The following KLF12 variants were observed in gnomAD, a reference collection of about 807,000 sequenced individuals.
KLF12 encodes the protein KLF transcription factor 12.
A neutral mutation model predicts 37.8 loss-of-function variants in KLF12; 9 were observed. The observed-to-expected ratio is 0.24, with a 90% CI of 0.14 to 0.42. The LOEUF (loss-of-function observed/expected upper bound fraction) is 0.42. Among genes scored for constraint, KLF12 ranks in the 10% least tolerant of loss-of-function variants. The probability of loss-of-function intolerance (pLI) is 1.00; values close to 1 mark genes in which losing one functional copy is unlikely to be tolerated. For synonymous variants in KLF12, 208 were observed against 202.1 expected, an observed-to-expected ratio of 1.03 and a Z score of -0.25; for missense variants, 411 against 516.0, an observed-to-expected ratio of 0.80 and a Z score of 1.97.
At chr13:74,007,059 C>A (rs963673283) in intron 1 of KLF12, among the ~76,000 whole-genome samples, 4 of 152,132 alleles carry the variant, frequency 2.6e-5, no homozygotes. Flanking sequence ...GGGGTTCCAT[C>A]TCTGCCTGCA....
intron 3 of KLF12, among the ~76,000 whole-genome samples, chr13:73,921,811 A>G (rs926666151): frequency 1.3e-5 from 2 of 152,160 alleles, no homozygotes; most frequent in Non-Finnish European, 2.9e-5. Flanking sequence ...TTTTGCAGTT[A>G]TCTGCAGCTA....
Position 74,053,652 on chromosome 13 carries a change from G to A in KLF12, c.-31-58599C>T, listed in dbSNP as rs1010426315. Among the ~76,000 whole-genome samples the A allele has an allele frequency of 1.3e-5, 2 of 152,166 alleles. 1 individual carries two copies. The highest frequency in any genetic ancestry group is 2.9e-5 in the Non-Finnish European group (2 of 68,030). ...ATAGCCAGAATAATGCTTTGCAAAGGTGGAGGTTACATGCCTGGAAAATTG... is the reference window on the plus strand; with the variant it reads ...ATAGCCAGAATAATGCTTTGCAAAGATGGAGGTTACATGCCTGGAAAATTG... On this transcript the variant is annotated intron_variant, in intron 1 of 7. Transcript: ENST00000377669.
chr13:73,744,689 A>C (rs1878243512), intron 6 of KLF12, among the ~76,000 whole-genome samples: 1 of 152,196 alleles, frequency 6.6e-6, no homozygotes, highest in African/African-American at 2.4e-5. Context: ...GGAGCAACGC[A>C]GGGAAGGAAA....
chr13:73,801,049 T>C (rs558925713), intron 5 of KLF12: 1 of 152,238 alleles, frequency 6.6e-6, no homozygotes, highest in South Asian at 2.1e-4. Flanking sequence ...GATGGCAAAA[T>C]ATCATTGAAG....
intron 1 of KLF12, among the ~76,000 whole-genome samples, chr13:74,080,286 T>TG (rs1304813347): frequency 1.5e-5 from 1 of 66,858 alleles, no homozygotes; most frequent in Non-Finnish European, 3.8e-5. Context: ...AAAAAAGTTG[T>TG]TTTTTTTTTA....
At chr13:73,936,731 T>A (rs1889949987) in intron 3 of KLF12, among the ~76,000 whole-genome samples, 1 of 152,170 alleles carries the variant, frequency 6.6e-6, no homozygotes, top group Non-Finnish European at 1.5e-5. Context: ...GAGGCCACTG[T>A]AGAGTTCATC....
At chr13:73,815,722 A>G (rs531956597) in intron 4 of KLF12, among the ~76,000 whole-genome samples, 3 of 152,322 alleles carry the variant, frequency 2.0e-5, no homozygotes, top group South Asian at 4.1e-4. Flanking sequence ...ATTTGCAAAC[A>G]GCCAAGAAAA....
intron 1 of KLF12, among the ~76,000 whole-genome samples, chr13:73,995,975 T>C (rs886901339): frequency 6.6e-6 from 1 of 152,224 alleles, no homozygotes; most frequent in Non-Finnish European, 1.5e-5. Context: ...GCGCCCATTC[T>C]GTGCCAATGT....
In KLF12 at chr13:73,794,252, G is replaced by C. The variant is rs571783278; in HGVS notation, c.806+18900C>G. On this transcript the variant is annotated intron_variant, in intron 5 of 7. Coordinates refer to ENST00000377669, the MANE Select transcript of KLF12 (RefSeq NM_007249.5). ...GAGGCAGGCGGATCATCTGAGGTCG[G>C]GAGTTCGAGACCAGCCTGGCCAACA... is the stretch of plus-strand genomic sequence containing the variant. Among the ~76,000 whole-genome samples the C allele has an allele frequency of 7.9e-4, 121 of 152,226 alleles. 1 individual carries two copies. The highest frequency in any genetic ancestry group is 1.6e-3 in the Non-Finnish European group (108 of 68,040).
At position 73,860,114 on chromosome 13, in the gene KLF12, C is replaced by T. The variant is rs111966556; in HGVS notation, c.124-13741G>A. 9.7e-3 allele frequency among the ~76,000 whole-genome samples: 1,483 copies of T among 152,190 alleles called. 26 individuals carry two copies. The highest frequency in any genetic ancestry group is 0.034 in the African/African-American group (1,401 of 41,492). ...CGGTCTGGGTTGCGTTTTATATGAT[C>T]AGTTCACTCATTGTCTCTCTTCAGT... On this transcript the variant is annotated intron_variant, in intron 3 of 7. Transcript: ENST00000377669.
intron 1 of KLF12, among the ~76,000 whole-genome samples, chr13:74,010,794 T>C (rs935795510): frequency 6.6e-6 from 1 of 152,190 alleles, no homozygotes; most frequent in Non-Finnish European, 1.5e-5. Context: ...ATTTAGTTAA[T>C]AAATACAACC....
chr13:74,140,386 G>A, the KLF12 span, among the ~76,000 whole-genome samples: 1 of 152,182 alleles, frequency 6.6e-6, no homozygotes, highest in Non-Finnish European at 1.5e-5. Flanking sequence ...TAAGCTGGAA[G>A]TGGTGGCATG....
At chr13:73,806,986 C>A (rs1402655096) in intron 5 of KLF12, among the ~76,000 whole-genome samples, 2 of 151,988 alleles carry the variant, frequency 1.3e-5, no homozygotes, top group Non-Finnish European at 2.9e-5. Context: ...TTCTAACTTT[C>A]TTTGACTGTT....
chr13:74,120,670 T>A (rs956480842), intron 1 of KLF12, among the ~76,000 whole-genome samples: 4 of 152,020 alleles, frequency 2.6e-5, no homozygotes, highest in African/African-American at 9.7e-5. Context: ...AACTTATTAT[T>A]TAAAGCAAAC....
At chr13:73,834,103 G>A (rs1310081050) in intron 4 of KLF12, among the ~76,000 whole-genome samples, 1 of 152,148 alleles carries the variant, frequency 6.6e-6, no homozygotes, top group Non-Finnish European at 1.5e-5. Flanking sequence ...CTTTCATGGA[G>A]CTTAAATTGT....
At chr13:73,746,389 A>C (rs888237147) in intron 6 of KLF12, among the ~76,000 whole-genome samples, 1 of 152,228 alleles carries the variant, frequency 6.6e-6, no homozygotes, top group African/African-American at 2.4e-5. Flanking sequence ...TCTTTATAAA[A>C]GTCTGTTAAC....
At chr13:74,033,154 G>A (rs7336840) in intron 1 of KLF12, among the ~76,000 whole-genome samples, 124,045 of 152,212 alleles carry the variant, frequency 0.81, 50,705 homozygotes, top group East Asian at 0.91. Flanking sequence ...ATTAAGAAAT[G>A]AAAACACCAT....
intron 4 of KLF12, among the ~76,000 whole-genome samples, chr13:73,823,843 TGG>T (rs1883678523): frequency 6.6e-6 from 1 of 152,136 alleles, no homozygotes; most frequent in South Asian, 2.1e-4. Context: ...CCCGAGTAGC[TGG>T]GATTACAGGT....
intron 1 of KLF12, among the ~76,000 whole-genome samples, chr13:74,126,131 TA>T (rs1877928450): frequency 6.6e-6 from 1 of 152,222 alleles, no homozygotes; most frequent in Non-Finnish European, 1.5e-5. Flanking sequence ...TAACATATAC[TA>T]TACATGACAT....
Sources: gnomAD v4.1 joint callset for allele counts (sites outside exome capture counted in the v4.1 genomes callset) on GRCh38, gnomAD v4.1.1 for gene constraint, MANE v1.5 for transcripts, NCBI Gene and HGNC (gene_info 2026-07-23, HGNC 2026-07-21) for gene names.